The following CELF2 variants were observed in gnomAD, a reference collection of about 807,000 sequenced individuals.
CELF2 encodes the protein CUG triplet repeat RNA-binding protein 2.
Under a neutral mutation model 62.6 loss-of-function variants are expected in CELF2, and 8 were observed. The observed-to-expected ratio is 0.13, with a 90% CI of 0.07 to 0.23. The LOEUF (loss-of-function observed/expected upper bound fraction) is 0.23. Ranked by LOEUF, CELF2 falls within the 10% of genes least tolerant of loss-of-function variation. The pLI is 1.00. For synonymous variants in CELF2, 258 were observed against 250.0 expected (o/e 1.03, Z -0.30); for missense variants, 333 against 671.0 (o/e 0.50, Z 5.56).
intron 1 of CELF2, among the ~76,000 whole-genome samples, chr10:11,107,113 T>C (rs1382241427): frequency 2.6e-5 from 4 of 152,224 alleles, no homozygotes; most frequent in Non-Finnish European, 2.9e-5. Context: ...ACCGGTTTCC[T>C]CAGCGGCTCA....
chr10:11,329,169 G>A lies in CELF2; in HGVS notation c.*116G>A. 4 of 1,135,212 alleles carry A rather than the reference G, an allele frequency of 3.5e-6. No homozygotes were observed. Among genetic ancestry groups the A allele is most frequent in the Middle Eastern group, 2.7e-4 (1 of 3,736 alleles). 70.3% of individuals were successfully genotyped at this position (1,135,212 alleles called of 1,614,324 possible). A position where few individuals can be genotyped will look rare whatever the true frequency, so the allele number is the denominator to read the frequency against. ...ACCACATTGCCAACTTTTACCAAGA[G>A]AGACGGTTATTTTTACAATAAGGCC... On this transcript the variant is annotated 3_prime_UTR_variant, in exon 13 of 13. Transcript: ENST00000633077. The surrounding 1 kb of genome is among the most constrained non-coding windows in gnomAD (Gnocchi z 5.5).
chr10:10,798,713 C>T (rs369306247), exon 1 of CELF2: 10 of 398,618 alleles, frequency 2.5e-5, no homozygotes, highest in Admixed American at 8.8e-5. Context: ...TTCCCCAGCA[C>T]CCCATCCCCG....
At chr10:11,021,360 CT>C (rs1388928714) in intron 1 of CELF2, among the ~76,000 whole-genome samples, 2 of 152,090 alleles carry the variant, frequency 1.3e-5, no homozygotes, top group East Asian at 1.9e-4. Context: ...AATGAACTAG[CT>C]TTTTGTTAAG....
At chr10:10,952,556 T>C (rs550253013) in intron 2 of CELF2, among the ~76,000 whole-genome samples, 1 of 152,244 alleles carries the variant, frequency 6.6e-6, no homozygotes, top group East Asian at 1.9e-4. Context: ...TCCTGGCAAG[T>C]CCCAGAGTCT....
At chr10:10,761,012 A>T in the CELF2 span, among the ~76,000 whole-genome samples, 1 of 152,132 alleles carries the variant, frequency 6.6e-6, no homozygotes, top group African/African-American at 2.4e-5. Context: ...AAGATCACTC[A>T]GTGTTTTATG....
the CELF2 span, among the ~76,000 whole-genome samples, chr10:10,487,211 T>C: frequency 6.6e-6 from 1 of 152,220 alleles, no homozygotes; most frequent in Admixed American, 6.5e-5. Flanking sequence ...TTCTACTTTG[T>C]TACTATTATT....
chr10:11,270,660 C>A lies in CELF2; in HGVS notation c.619-6C>A. 1 of 1,452,634 alleles carries A rather than the reference C, an allele frequency of 6.9e-7. No individual in the cohort carries two copies. Among genetic ancestry groups the A allele is most frequent in the African/African-American group, 1.4e-5 (1 of 69,376 alleles). The allele number at this position is 1,452,634 out of a possible 1,614,324, so 90.0% of individuals were successfully genotyped here. A position where few individuals can be genotyped will look rare whatever the true frequency, so the allele number is the denominator to read the frequency against. On this transcript the variant is annotated splice_polypyrimidine_tract_variant and splice_region_variant and intron_variant, in intron 6 of 12. Transcript: ENST00000633077. This position sits in a 1 kb window ranked among gnomAD's most constrained non-coding sequence, Gnocchi z 5.8. ...CCTCTCCACTTTCCAATGTGTCTGA[C>A]CACAGGGCTGCTCTTCACCTATCGT...
At chr10:10,710,113 C>G in the CELF2 span, among the ~76,000 whole-genome samples, 1 of 152,202 alleles carries the variant, frequency 6.6e-6, no homozygotes, top group Non-Finnish European at 1.5e-5. Context: ...TCACTGAGCC[C>G]TGACTGCCAC....
chr10:10,737,410 T>C, the CELF2 span, among the ~76,000 whole-genome samples: 1 of 152,176 alleles, frequency 6.6e-6, no homozygotes. Flanking sequence ...AGCTCTTTCC[T>C]GGGCTACCTT....
chr10:10,917,274 C>T (rs1245919061), intron 1 of CELF2, among the ~76,000 whole-genome samples: 3 of 152,130 alleles, frequency 2.0e-5, no homozygotes, highest in Non-Finnish European at 4.4e-5. Context: ...GTTGGTCAAT[C>T]CAGTAAGCTT....
intron 1 of CELF2, among the ~76,000 whole-genome samples, chr10:11,025,550 A>C (rs1389036735): frequency 3.3e-5 from 5 of 151,970 alleles, no homozygotes. Flanking sequence ...AAGTTTCCTG[A>C]GGTCTCCCCA....
chr10:11,177,544 A>C lies in CELF2; in HGVS notation c.271+11862A>C, dbSNP rs1588403811. On this transcript the variant is annotated intron_variant, in intron 2 of 12. Coordinates refer to ENST00000633077, the MANE Select transcript of CELF2 (RefSeq NM_001326342.2). This position sits in a 1 kb window ranked among gnomAD's most constrained non-coding sequence, Gnocchi z 4.8. ...TTTGTACACTTCCCTGCAGTGCTGG[A>C]AATGGACTTTTCCTTTGCATTTCCA... 6.6e-6 allele frequency among the ~76,000 whole-genome samples: 1 copy of C among 152,174 alleles called. No individual in the cohort carries two copies. The highest frequency in any genetic ancestry group is 1.9e-4 in the East Asian group (1 of 5,200).
chr10:11,212,335 G>C (rs1172842078), intron 2 of CELF2, among the ~76,000 whole-genome samples: 2 of 152,094 alleles, frequency 1.3e-5, no homozygotes, highest in East Asian at 3.9e-4. Flanking sequence ...CTCCCTGTGA[G>C]GCCCCCCCGG....
intron 2 of CELF2, among the ~76,000 whole-genome samples, chr10:11,173,019 T>C (rs1353302094): frequency 6.6e-6 from 1 of 152,196 alleles, no homozygotes; most frequent in East Asian, 1.9e-4. Flanking sequence ...AAGTGAAGTC[T>C]AGGTGATCTC....
intron 2 of CELF2, among the ~76,000 whole-genome samples, chr10:10,955,974 T>G (rs1177495713): frequency 6.6e-6 from 1 of 152,182 alleles, no homozygotes; most frequent in Non-Finnish European, 1.5e-5. Flanking sequence ...GGTCGATCAC[T>G]GCAAATCAAG....
chr10:10,567,424 G>T, the CELF2 span, among the ~76,000 whole-genome samples: 2 of 152,134 alleles, frequency 1.3e-5, no homozygotes, highest in Admixed American at 6.6e-5. Flanking sequence ...AGTATAGGAG[G>T]TTTATCTGGG....
At chr10:10,629,861 CA>C in the CELF2 span, among the ~76,000 whole-genome samples, 1 of 12,342 alleles carries the variant, frequency 8.1e-5, no homozygotes, top group Non-Finnish European at 1.5e-4. Context: ...GGCTGAAGAC[CA>C]AAAAAAAAAA....
In CELF2 at chr10:11,157,851, A is replaced by C. The variant is rs650371; in HGVS notation, c.75-7635A>C. Among the ~76,000 whole-genome samples the C allele has an allele frequency of 0.53, 80,313 of 152,110 alleles. 22,340 individuals carry two copies. The highest frequency in any genetic ancestry group is 0.86 in the East Asian group (4,426 of 5,174). On this transcript the variant is annotated intron_variant, in intron 1 of 12. Transcript: ENST00000633077. This position sits in a 1 kb window ranked among gnomAD's most constrained non-coding sequence, Gnocchi z 4.9. ...TCTCTTGCATAAATAAGTCCAGGCAAAGTATCTTCAGTGGTGAAAACAGAA... is the reference window on the plus strand; with the variant it reads ...TCTCTTGCATAAATAAGTCCAGGCACAGTATCTTCAGTGGTGAAAACAGAA...
In CELF2 at chr10:11,290,156, C is replaced by A. The variant is rs374832313; in HGVS notation, c.976+1604C>A. 5.3e-5 allele frequency among the ~76,000 whole-genome samples: 8 copies of A among 152,286 alleles called. No individual in the cohort carries two copies. The highest frequency in any genetic ancestry group is 1.7e-4 in the African/African-American group (7 of 41,556). On this transcript the variant is annotated intron_variant, in intron 9 of 12. Coordinates refer to ENST00000633077, the MANE Select transcript of CELF2 (RefSeq NM_001326342.2). The surrounding 1 kb of genome is among the most constrained non-coding windows in gnomAD (Gnocchi z 4.3). ...AAAGCGCTTTGTGGTGTGAGCAGGA[C>A]AGATGTGCTGCCTACCTTCGGGAGT...
Sources: allele counts gnomAD v4.1 joint callset (sites outside exome capture counted in the v4.1 genomes callset), GRCh38; gene constraint gnomAD v4.1.1; non-coding constraint Gnocchi (gnomAD v3.1); transcripts MANE v1.5; gene names NCBI Gene and HGNC (gene_info 2026-07-23, HGNC 2026-07-21).